CRYL1: variants seen among roughly 807,000 people sequenced by gnomAD.
CRYL1 encodes lambda-crystallin homolog.
CRYL1 carries 29 observed loss-of-function variants against 36.6 expected under a neutral mutation model. The observed-to-expected ratio is 0.79, with a 90% CI of 0.59 to 1.08. CRYL1 has a LOEUF of 1.08. Ranked by LOEUF, CRYL1 falls within the 50% of genes least tolerant of loss-of-function variation. The probability of loss-of-function intolerance (pLI) is 0.00; values close to 1 mark genes in which losing one functional copy is unlikely to be tolerated. For missense variants in CRYL1, 411 were observed against 407.9 expected, an observed-to-expected ratio of 1.01 and a Z score of -0.06; for synonymous variants, 152 against 151.5, an observed-to-expected ratio of 1.00 and a Z score of -0.02.
At chr13:20,448,238 C>T (rs1409468524) in intron 3 of CRYL1, among the ~76,000 whole-genome samples, 1 of 151,996 alleles carries the variant, frequency 6.6e-6, no homozygotes, top group Non-Finnish European at 1.5e-5. Flanking sequence ...GGAAATCAGA[C>T]AAAATGAAAA....
At chr13:20,513,751 T>C (rs1337384984) in intron 1 of CRYL1, 2 of 151,960 alleles carry the variant, frequency 1.3e-5, no homozygotes, top group Non-Finnish European at 2.9e-5. Context: ...GAAAAACAAA[T>C]GTACAGAACA....
At position 20,439,633 on chromosome 13, in the gene CRYL1, G is replaced by A; in HGVS notation, c.398C>T (p.Ala133Val). ...TSCLMPSKLFAGLVHVKQCIV... is the reference protein window; with the variant it reads ...TSCLMPSKLFVGLVHVKQCIV... The stretch of plus-strand genomic sequence containing the variant: ...GCATTGCTTCACATGGACCAAGCCA[G>A]CAAACAACTTGGAAGGCATGAGACA... Residue 133 changes from alanine (A) to valine (V), a missense_variant, in exon 4 of 8, where the codon GCT becomes GTT. Ala to Val is a moderately conservative substitution (Grantham distance 64). Coordinates refer to ENST00000298248, the MANE Select transcript of CRYL1 (RefSeq NM_015974.3). 3 of 1,613,352 alleles carry A rather than the reference G, an allele frequency of 1.9e-6. No homozygotes were observed. The highest frequency in any genetic ancestry group is 2.2e-5 in the South Asian group (2 of 91,048).
At chr13:20,405,242 G>A (rs1460158276) in intron 6 of CRYL1, among the ~76,000 whole-genome samples, 1 of 151,672 alleles carries the variant, frequency 6.6e-6, no homozygotes, top group Non-Finnish European at 1.5e-5. Flanking sequence ...CTGTACTCCG[G>A]CCTGGGCAAC....
In CRYL1 at chr13:20,512,475, T is replaced by C. The variant is rs548780866; in HGVS notation, c.117A>G (p.Gln39=). Residue 39 remains glutamine, a synonymous_variant, in exon 2 of 8, where the codon CAA becomes CAG. Coordinates refer to ENST00000298248, the MANE Select transcript of CRYL1 (RefSeq NM_015974.3). ...GFQVKLYDIE[Q]QQIRNALENI... ...TTTCCAGGGCGTTCCTTATCTGCTG[T>C]TGCTCAATGTCATAGAGTTTCACCT... The C allele has an allele frequency of 1.9e-6, 3 of 1,614,110 alleles. No individual in the cohort carries two copies. Among genetic ancestry groups the C allele is most frequent in the South Asian group, 2.2e-5 (2 of 91,070 alleles).
At chr13:20,480,421 T>C (rs1009498987) in intron 3 of CRYL1, among the ~76,000 whole-genome samples, 66 of 151,800 alleles carry the variant, frequency 4.3e-4, no homozygotes, top group Admixed American at 3.6e-3. Flanking sequence ...GGCAGGTGGT[T>C]GTGAAGGGGG....
At chr13:20,418,369 A>G (rs2031722842) in intron 5 of CRYL1, 1 of 152,150 alleles carries the variant, frequency 6.6e-6, no homozygotes, top group Non-Finnish European at 1.5e-5. Context: ...TAACAATAGC[A>G]AAGGGTTAAC....
At chr13:20,414,223 A>T (rs2031598412) in intron 5 of CRYL1, among the ~76,000 whole-genome samples, 1 of 151,460 alleles carries the variant, frequency 6.6e-6, no homozygotes, top group East Asian at 1.9e-4. Context: ...ACACACACAC[A>T]CACACATATG....
Position 20,404,069 on chromosome 13 carries a change from C to T in CRYL1, c.*60G>A. The T allele has an allele frequency of 8.4e-7, 1 of 1,188,824 alleles. No individual in the cohort carries two copies. The highest frequency in any genetic ancestry group is 1.3e-6 in the Non-Finnish European group (1 of 795,978). 73.6% of individuals were successfully genotyped at this position (1,188,824 alleles called of 1,614,324 possible). A position where few individuals can be genotyped will look rare whatever the true frequency, so the allele number is the denominator to read the frequency against. On this transcript the variant is annotated 3_prime_UTR_variant, in exon 8 of 8. Transcript: ENST00000298248. ...TATGTCACAGAGGGCTGATTAAGGG[C>T]TTGCAGTGTTCCCAAATAGGGCCTC...
rs11353451 is a variant in CRYL1 at position 20,470,910 on chromosome 13, C to CAA, written c.276+18458_276+18459dup. ...GGGCAAAAAGAGCAAAACTCCATCT[C>CAA]AAAAAAAAAAAAAAAACAAAAAAAA... On this transcript the variant is annotated intron_variant, in intron 3 of 7. Coordinates refer to ENST00000298248, the MANE Select transcript of CRYL1 (RefSeq NM_015974.3). Among the ~76,000 whole-genome samples, 88 of 40,706 alleles carry CAA rather than the reference C, an allele frequency of 2.2e-3. 1 individual carries two copies. Among genetic ancestry groups the CAA allele is most frequent in the African/African-American group, 5.0e-3 (57 of 11,416 alleles). 26.7% of individuals were successfully genotyped at this position (40,706 alleles called of 152,430 possible).
intron 5 of CRYL1, among the ~76,000 whole-genome samples, chr13:20,416,599 A>G (rs767860950): frequency 4.6e-5 from 7 of 152,224 alleles, no homozygotes; most frequent in East Asian, 1.9e-4. Flanking sequence ...AACAGCCCCA[A>G]GTTTTCATTT....
intron 1 of CRYL1, among the ~76,000 whole-genome samples, chr13:20,522,012 G>C (rs1439252268): frequency 1.3e-5 from 2 of 152,096 alleles, no homozygotes; most frequent in Non-Finnish European, 2.9e-5. Context: ...AAAATACCTA[G>C]AATAGCACTT....
intron 2 of CRYL1, among the ~76,000 whole-genome samples, chr13:20,508,586 C>G (rs1057445002): frequency 2.0e-5 from 3 of 151,946 alleles, no homozygotes; most frequent in Admixed American, 6.6e-5. Flanking sequence ...GTGGCTCACG[C>G]CTGTAATCCC....
chr13:20,417,797 C>T (rs1042151572), intron 5 of CRYL1, among the ~76,000 whole-genome samples: 1 of 152,152 alleles, frequency 6.6e-6, no homozygotes, highest in Non-Finnish European at 1.5e-5. Flanking sequence ...CACAAGACAT[C>T]CGTGAAGTAG....
chr13:20,519,615 G>GAGGGA (rs1253973649), intron 1 of CRYL1, among the ~76,000 whole-genome samples: 2 of 149,416 alleles, frequency 1.3e-5, no homozygotes, highest in Non-Finnish European at 3.0e-5. Flanking sequence ...AAGGGGAGGG[G>GAGGGA]AGGGGAGGGA....
intron 3 of CRYL1, among the ~76,000 whole-genome samples, chr13:20,463,353 C>T (rs920746669): frequency 3.3e-5 from 5 of 152,178 alleles, no homozygotes; most frequent in Non-Finnish European, 7.3e-5. Context: ...TACATGCAGG[C>T]TTGCAGTCTT....
At chr13:20,414,029 G>T (rs4389002) in intron 5 of CRYL1, among the ~76,000 whole-genome samples, 1 of 151,644 alleles carries the variant, frequency 6.6e-6, no homozygotes, top group Non-Finnish European at 1.5e-5. Flanking sequence ...CAAAAAATTC[G>T]CCGGGCATGG....
chr13:20,420,563 C>T (rs191833233), intron 5 of CRYL1, among the ~76,000 whole-genome samples: 67 of 151,410 alleles, frequency 4.4e-4, no homozygotes, highest in African/African-American at 1.6e-3. Flanking sequence ...ATCATAAAGC[C>T]ATTAAGAATG....
At chr13:20,440,793 A>C (rs1398805414) in intron 3 of CRYL1, among the ~76,000 whole-genome samples, 1 of 152,222 alleles carries the variant, frequency 6.6e-6, no homozygotes, top group Non-Finnish European at 1.5e-5. Context: ...CAAAAATCCA[A>C]AACTACATTA....
chr13:20,492,721 T>C (rs1404862076), intron 2 of CRYL1, among the ~76,000 whole-genome samples: 3 of 152,226 alleles, frequency 2.0e-5, no homozygotes, highest in African/African-American at 7.2e-5. Flanking sequence ...CAACGTCCCA[T>C]TTGCCATGTA....
Sources: gnomAD v4.1 joint callset for allele counts (sites outside exome capture counted in the v4.1 genomes callset) on GRCh38, gnomAD v4.1.1 for gene constraint, MANE v1.5 for transcripts, NCBI Gene and HGNC (gene_info 2026-07-23, HGNC 2026-07-21) for gene names.